MTHFD1L: variants seen among roughly 807,000 people sequenced by gnomAD.
MTHFD1L encodes the protein methylenetetrahydrofolate dehydrogenase (NADP+ dependent) 1 like.
In MTHFD1L, 81 loss-of-function variants were observed where a neutral mutation model predicts 119.5. The observed-to-expected ratio is 0.68, with a 90% confidence interval of 0.57 to 0.82. The LOEUF (loss-of-function observed/expected upper bound fraction) is 0.82. Ranked by LOEUF, MTHFD1L falls within the 40% of genes least tolerant of loss-of-function variation. The pLI, the probability that MTHFD1L is intolerant of heterozygous loss-of-function variation, is 0.00. For synonymous variants in MTHFD1L, 430 were observed against 475.2 expected (o/e 0.90, Z 1.24); for missense variants, 1,125 against 1,253.4 (o/e 0.90, Z 1.55).
At position 151,092,484 on chromosome 6, in the gene MTHFD1L, A is replaced by G; in HGVS notation, c.2865A>G (p.Gly955=). Residue 955 remains glycine, a synonymous_variant, in exon 27 of 28, where the codon GGA becomes GGG. Transcript: ENST00000367321. The stretch of plus-strand genomic sequence containing the variant: ...TCCCCCAGATGAGCACCATGCCAGG[A>G]CTGCCCACCCGGCCCTGCTTTTATG... ...PLVGTMSTMP[G]LPTRPCFYDI... 2 of 1,614,072 alleles carry G rather than the reference A, an allele frequency of 1.2e-6. No individual in the cohort carries two copies. Among genetic ancestry groups the G allele is most frequent in the South Asian group, 2.2e-5 (2 of 91,062 alleles).
chr6:151,046,458 A>AT (rs1194808944), intron 26 of MTHFD1L, among the ~76,000 whole-genome samples: 2 of 129,432 alleles, frequency 1.5e-5, no homozygotes, highest in Admixed American at 8.1e-5. Context: ...ATATATATAT[A>AT]ATATGTGTGT....
chr6:150,913,359 G>C (rs1787277079), intron 8 of MTHFD1L, among the ~76,000 whole-genome samples: 1 of 151,890 alleles, frequency 6.6e-6, no homozygotes, highest in Admixed American at 6.6e-5. Flanking sequence ...TAGAGACGGG[G>C]TTTCACCGTG....
chr6:150,875,884 A>G (rs1780358194), intron 1 of MTHFD1L: 1 of 495,588 alleles, frequency 2.0e-6, no homozygotes, highest in Admixed American at 4.1e-5. Flanking sequence ...TATTTTAAAA[A>G]CTGGATTGCC....
chr6:150,965,147 G>A (rs1797006093), intron 19 of MTHFD1L, 110 bp downstream of exon 19: 1 of 904,332 alleles, frequency 1.1e-6, no homozygotes, highest in Non-Finnish European at 1.8e-6. Context: ...GGGCAGCAGT[G>A]TGCTTTGCAA....
intron 5 of MTHFD1L, among the ~76,000 whole-genome samples, chr6:150,883,541 C>G (rs1781715347): frequency 6.6e-6 from 1 of 152,140 alleles, no homozygotes; most frequent in South Asian, 2.1e-4. Flanking sequence ...ACTTAGAAAC[C>G]TGATTCCCCA....
At chr6:151,062,828 CATAT>C (rs34593749) in intron 26 of MTHFD1L, among the ~76,000 whole-genome samples, 5,668 of 149,738 alleles carry the variant, frequency 0.038, 167 homozygotes, top group Admixed American at 0.11. Context: ...ACAAGACAGC[CATAT>C]ATATATATAT....
chr6:151,003,574 A>T (rs541595263), intron 20 of MTHFD1L, among the ~76,000 whole-genome samples: 2 of 152,136 alleles, frequency 1.3e-5, no homozygotes, highest in South Asian at 2.1e-4. Context: ...GTTCTTTTTC[A>T]CTAGGTGATG....
At chr6:150,962,226 C>T (rs1796551376) in intron 18 of MTHFD1L, among the ~76,000 whole-genome samples, 1 of 152,074 alleles carries the variant, frequency 6.6e-6, no homozygotes, top group South Asian at 2.1e-4. Flanking sequence ...CTCAGGTGAT[C>T]TGCCCACCTC....
At chr6:151,022,713 GAGTCA>G (rs1784111648) in intron 24 of MTHFD1L, among the ~76,000 whole-genome samples, 1 of 152,200 alleles carries the variant, frequency 6.6e-6, no homozygotes, top group Non-Finnish European at 1.5e-5. Flanking sequence ...GGGCCAGCCT[GAGTCA>G]GTAGCCCTTT....
intron 20 of MTHFD1L, among the ~76,000 whole-genome samples, chr6:151,005,227 T>G (rs1312962694): frequency 2.0e-5 from 3 of 152,114 alleles, no homozygotes; most frequent in African/African-American, 4.8e-5. Flanking sequence ...CAAGGCCCCC[T>G]AAGGCACAGA....
In MTHFD1L at chr6:151,009,696, C is replaced by G. The variant is rs189574846; in HGVS notation, c.2126-123C>G. On this transcript the variant is annotated intron_variant, in intron 20 of 27. Transcript: ENST00000367321. ...CTATGACAATGGGGAAATCAGTTCA[C>G]CTTTGTGTTGGTAAACAAAAGGAAT... 3.5e-6 allele frequency: 4 copies of G among 1,149,078 alleles called. No homozygotes were observed. In the African/African-American group the frequency reaches 4.7e-5, roughly 13 times the overall value. The allele number at this position is 1,149,078 out of a possible 1,614,324, so 71.2% of individuals were successfully genotyped here.
In MTHFD1L at chr6:150,910,000, G is replaced by A. The variant is rs140075101; in HGVS notation, c.892+4239G>A. ...GTTCGAGACCAGCCTGAGCAACATA[G>A]TGAAACCTCATCTCTATTAAAAATA... On this transcript the variant is annotated intron_variant, in intron 8 of 27. Coordinates refer to ENST00000367321, the MANE Select transcript of MTHFD1L (RefSeq NM_015440.5). 5.7e-4 allele frequency among the ~76,000 whole-genome samples: 87 copies of A among 152,156 alleles called. 1 individual carries two copies. In the East Asian group the frequency reaches 0.015, roughly 27 times the overall value.
At chr6:150,923,479 G>A (rs369617446) in intron 10 of MTHFD1L, among the ~76,000 whole-genome samples, 40 of 150,000 alleles carry the variant, frequency 2.7e-4, no homozygotes, top group East Asian at 2.2e-3. Flanking sequence ...ACACAGTGCC[G>A]AGGAGATAAA....
chr6:150,975,082 G>T (rs1242673759), intron 20 of MTHFD1L, among the ~76,000 whole-genome samples: 2 of 152,248 alleles, frequency 1.3e-5, no homozygotes, highest in South Asian at 2.1e-4. Flanking sequence ...CCATCGTATG[G>T]ATAGACCATA....
At chr6:150,893,877 G>C (rs1783767874) in intron 7 of MTHFD1L, among the ~76,000 whole-genome samples, 1 of 152,212 alleles carries the variant, frequency 6.6e-6, no homozygotes, top group South Asian at 2.1e-4. Context: ...TTGCTGCTCT[G>C]AGCCTGTTCC....
chr6:150,910,655 C>T (rs954212642), intron 8 of MTHFD1L, among the ~76,000 whole-genome samples: 2 of 151,938 alleles, frequency 1.3e-5, no homozygotes, highest in African/African-American at 4.8e-5. Flanking sequence ...TTCCCAATTT[C>T]TTTGTGGGTA....
rs1485710763 is a variant in MTHFD1L at position 150,995,375 on chromosome 6, G to A, written c.2126-14444G>A. Among the ~76,000 whole-genome samples, 4 of 152,018 alleles carry A rather than the reference G, an allele frequency of 2.6e-5. No homozygotes were observed. In the South Asian group the frequency reaches 8.3e-4, roughly 32 times the overall value. ...ACTAAAAATACAAAATTAGCCAGGC[G>A]TGGTGGCACATGCCTGTAATCCCAG... On this transcript the variant is annotated intron_variant, in intron 20 of 27. Coordinates refer to ENST00000367321, the MANE Select transcript of MTHFD1L (RefSeq NM_015440.5).
intron 19 of MTHFD1L, among the ~76,000 whole-genome samples, chr6:150,966,019 A>T (rs1225217599): frequency 1.3e-5 from 2 of 152,230 alleles, no homozygotes; most frequent in East Asian, 3.8e-4. Context: ...GGGGTGAGCC[A>T]TGCACGTGTC....
At chr6:151,034,461 A>G (rs201942366) in intron 24 of MTHFD1L, 32 bp from the exon 25 acceptor site, 2 of 1,414,448 alleles carry the variant, frequency 1.4e-6, no homozygotes, top group Middle Eastern at 2.5e-4. Flanking sequence ...GATTAAACTT[A>G]TACAATTTTG....
Sources: allele counts gnomAD v4.1 joint callset (sites outside exome capture counted in the v4.1 genomes callset), GRCh38; gene constraint gnomAD v4.1.1; transcripts MANE v1.5; gene names NCBI Gene and HGNC (gene_info 2026-07-23, HGNC 2026-07-21).